Variants in PSMB2 observed in about 807,000 individuals in gnomAD.
PSMB2 encodes proteasome subunit beta type-2.
In PSMB2, 13 loss-of-function variants were observed where a neutral mutation model predicts 25.7. That is an observed-to-expected ratio of 0.51 (90% CI 0.33 to 0.80). The LOEUF (loss-of-function observed/expected upper bound fraction) is 0.80, where lower values mean the gene tolerates loss of function less well. PSMB2 is among the 30% of genes least tolerant of loss of function. The pLI, the probability that PSMB2 is intolerant of heterozygous loss-of-function variation, is 0.02. For synonymous variants in PSMB2, 87 were observed against 96.2 expected (o/e 0.90, Z 0.56); for missense variants, 202 against 259.0 (o/e 0.78, Z 1.51).
chr1:35,635,494 G>A (rs1303500438), intron 2 of PSMB2, among the ~76,000 whole-genome samples: 5 of 151,806 alleles, frequency 3.3e-5, no homozygotes, highest in African/African-American at 1.2e-4. Context: ...TGAAGGATTA[G>A]AATCTTTAGG....
At chr1:35,631,526 C>G in intron 2 of PSMB2, 182 bp from the exon 3 acceptor site, 1 of 1,411,070 alleles carries the variant, frequency 7.1e-7, no homozygotes, top group Non-Finnish European at 9.3e-7. Flanking sequence ...TATGAAATAG[C>G]TGGTTAGTAC....
Position 35,602,801 on chromosome 1 carries a change from A to G in PSMB2, c.*466T>C. On this transcript the variant is annotated 3_prime_UTR_variant, in exon 6 of 6. Coordinates refer to ENST00000373237, the MANE Select transcript of PSMB2 (RefSeq NM_002794.5). ...ATGAGCCACCACACCCAGCTCTGGA[A>G]GAAATATTTTTCACTACATGTTTTT... is the stretch of plus-strand genomic sequence containing the variant. 1 of 734,710 alleles carries G rather than the reference A, an allele frequency of 1.4e-6. No individual in the cohort carries two copies. 45.5% of individuals were successfully genotyped at this position (734,710 alleles called of 1,614,324 possible). A position where few individuals can be genotyped will look rare whatever the true frequency, so the allele number is the denominator to read the frequency against.
intron 2 of PSMB2, 168 bp from the exon 3 acceptor site, chr1:35,631,512 C>T: frequency 7.0e-7 from 1 of 1,431,776 alleles, no homozygotes. Flanking sequence ...CCTCATGCAA[C>T]AGCTATGAAA....
At position 35,641,498 on chromosome 1, in the gene PSMB2, C is replaced by G. The variant is rs1467877117; in HGVS notation, c.-66G>C. 7.5e-6 allele frequency: 12 copies of G among 1,606,650 alleles called. No homozygotes were observed. The Admixed American group carries it at 1.0e-4, about 14-fold the overall frequency. On this transcript the variant is annotated 5_prime_UTR_variant, in exon 1 of 6. Transcript: ENST00000373237. ...AGACTCGCCCGCTTCCAGGTCTCACCGGTGAGACAGCACCTCAGAGCGAAG... is the reference window on the plus strand; with the variant it reads ...AGACTCGCCCGCTTCCAGGTCTCACGGGTGAGACAGCACCTCAGAGCGAAG...
At chr1:35,626,424 T>C (rs193235169) in intron 3 of PSMB2, among the ~76,000 whole-genome samples, 5 of 152,374 alleles carry the variant, frequency 3.3e-5, no homozygotes, top group South Asian at 2.1e-4. Flanking sequence ...GCAGAATATA[T>C]AGACCTAGCT....
chr1:35,635,744 G>A lies in PSMB2; in HGVS notation c.214+566C>T, dbSNP rs187981438. ...CTCAGGAGGCTGAGACAGGAGAATC[G>A]CTTGAACCTGGGAGGCGGAGGTTGC... On this transcript the variant is annotated intron_variant, in intron 2 of 5. Transcript: ENST00000373237. 3.5e-3 allele frequency among the ~76,000 whole-genome samples: 513 copies of A among 148,496 alleles called. 3 individuals are homozygous for A. The highest frequency in any genetic ancestry group is 0.012 in the African/African-American group (495 of 39,974).
At chr1:35,615,129 T>C (rs1295919977) in intron 3 of PSMB2, among the ~76,000 whole-genome samples, 1 of 152,192 alleles carries the variant, frequency 6.6e-6, no homozygotes, top group African/African-American at 2.4e-5. Flanking sequence ...TTGACTGCAT[T>C]ATCAACAGAT....
chr1:35,609,527 A>G lies in PSMB2; in HGVS notation c.286-119T>C, dbSNP rs568409885. 4 of 944,222 alleles carry G rather than the reference A, an allele frequency of 4.2e-6. No homozygotes were observed. In the African/African-American group the frequency reaches 5.1e-5, roughly 12 times the overall value. 58.5% of individuals were successfully genotyped at this position (944,222 alleles called of 1,614,324 possible). On this transcript the variant is annotated intron_variant, in intron 3 of 5. Coordinates refer to ENST00000373237, the MANE Select transcript of PSMB2 (RefSeq NM_002794.5). ...AGAAAATATTAGCAGCAACTGAGTA[A>G]ATCACAATGAAAGTAAAAATGTAGG...
At chr1:35,623,713 G>A (rs1650765578) in intron 3 of PSMB2, among the ~76,000 whole-genome samples, 1 of 152,236 alleles carries the variant, frequency 6.6e-6, no homozygotes, top group South Asian at 2.1e-4. Context: ...GGCAAGTAGA[G>A]AAGATGAGGC....
In PSMB2 at chr1:35,641,453, T is replaced by C. The variant is rs767745419; in HGVS notation, c.-21A>G. 5.6e-6 allele frequency: 9 copies of C among 1,613,918 alleles called. No homozygotes were observed. Among genetic ancestry groups the C allele is most frequent in the Non-Finnish European group, 5.9e-6 (7 of 1,179,986 alleles). Reference sequence around the variant, plus strand: ...TCCATGGTGGCGGAAGGCCAGGGGCTGCAGGTCCGACACAGCACGAGACTC... The same window carrying C: ...TCCATGGTGGCGGAAGGCCAGGGGCCGCAGGTCCGACACAGCACGAGACTC... On this transcript the variant is annotated 5_prime_UTR_variant, in exon 1 of 6. Transcript: ENST00000373237.
chr1:35,610,283 C>A (rs2148564180), intron 3 of PSMB2, among the ~76,000 whole-genome samples: 1 of 152,078 alleles, frequency 6.6e-6, no homozygotes, highest in Non-Finnish European at 1.5e-5. Flanking sequence ...TACAAAAAAA[C>A]TAAAAAATTA....
chr1:35,624,635 C>G (rs535262404), intron 3 of PSMB2, among the ~76,000 whole-genome samples: 159 of 152,096 alleles, frequency 1.0e-3, no homozygotes, highest in Non-Finnish European at 1.8e-3. Flanking sequence ...TGCCTGTAAT[C>G]CCAGCTACTC....
intron 3 of PSMB2, among the ~76,000 whole-genome samples, chr1:35,629,127 A>T (rs1193902125): frequency 1.3e-5 from 2 of 152,194 alleles, no homozygotes; most frequent in East Asian, 1.9e-4. Flanking sequence ...TAGTGAGTAG[A>T]TTAAATTATT....
intron 3 of PSMB2, among the ~76,000 whole-genome samples, chr1:35,628,346 C>T (rs1273218299): frequency 6.6e-6 from 1 of 151,722 alleles, no homozygotes. Context: ...CAAAAAGGAG[C>T]TTAATTCACT....
At chr1:35,636,882 T>G (rs1267986605) in intron 1 of PSMB2, among the ~76,000 whole-genome samples, 2 of 152,216 alleles carry the variant, frequency 1.3e-5, no homozygotes, top group Non-Finnish European at 2.9e-5. Context: ...TATTGAATAA[T>G]TTAACTAATT....
intron 3 of PSMB2, among the ~76,000 whole-genome samples, chr1:35,628,631 AT>A (rs138110586): frequency 1.4e-3 from 52 of 38,050 alleles, no homozygotes; most frequent in South Asian, 6.4e-3. Flanking sequence ...ATATATATAT[AT>A]TTTTTTTTTT....
At chr1:35,634,195 T>C (rs1242902011) in intron 2 of PSMB2, among the ~76,000 whole-genome samples, 1 of 152,236 alleles carries the variant, frequency 6.6e-6, no homozygotes, top group African/African-American at 2.4e-5. Flanking sequence ...GCACAGTAAA[T>C]ACTTATAGTT....
At chr1:35,618,159 C>T (rs1010009783) in intron 3 of PSMB2, among the ~76,000 whole-genome samples, 1 of 151,474 alleles carries the variant, frequency 6.6e-6, no homozygotes, top group Admixed American at 6.6e-5. Context: ...GTAGAGGGGG[C>T]GGAGAGAGAG....
chr1:35,620,707 G>A (rs529985081), intron 3 of PSMB2, among the ~76,000 whole-genome samples: 3 of 150,808 alleles, frequency 2.0e-5, no homozygotes, highest in South Asian at 4.3e-4. Flanking sequence ...CAGCCTGGGC[G>A]ACAAGGCAAG....
Sources: allele counts gnomAD v4.1 joint callset (sites outside exome capture counted in the v4.1 genomes callset), GRCh38; gene constraint gnomAD v4.1.1; transcripts MANE v1.5; gene names NCBI Gene and HGNC (gene_info 2026-07-23, HGNC 2026-07-21).